The following NFIC variants were observed in gnomAD, a reference collection of about 807,000 sequenced individuals.
NFIC encodes the protein nuclear factor 1 C-type.
In NFIC, 12 loss-of-function variants were observed where a neutral mutation model predicts 54.4. That is an observed-to-expected ratio of 0.22 (90% CI 0.14 to 0.36). The LOEUF is 0.36. Ranked by LOEUF, NFIC falls within the 10% of genes least tolerant of loss-of-function variation. The probability of loss-of-function intolerance (pLI) is 1.00; values close to 1 mark genes in which losing one functional copy is unlikely to be tolerated. For missense variants in NFIC, 575 were observed against 718.2 expected (o/e 0.80, Z 2.28); for synonymous variants, 322 against 319.2 (o/e 1.01, Z -0.09).
Position 3,463,483 on chromosome 19 carries a change from C to A in NFIC, c.*714C>A. 3 of 985,378 alleles carry A rather than the reference C, an allele frequency of 3.0e-6. No individual in the cohort carries two copies. Among genetic ancestry groups the A allele is most frequent in the Non-Finnish European group, 3.6e-6 (3 of 829,968 alleles). The allele number at this position is 985,378 out of a possible 1,614,324, so 61.0% of individuals were successfully genotyped here. On this transcript the variant is annotated 3_prime_UTR_variant, in exon 11 of 11. Coordinates refer to ENST00000443272, the MANE Select transcript of NFIC (RefSeq NM_001245002.2). ...TGAGGCCCAGGCACCTGCTGCCCCTCGAGGGGGCCCTGCCTGCCGCGGGGC... is the reference window on the plus strand; with the variant it reads ...TGAGGCCCAGGCACCTGCTGCCCCTAGAGGGGGCCCTGCCTGCCGCGGGGC...
In NFIC at chr19:3,458,410, C is replaced by T. The variant is rs1184979663; in HGVS notation, c.1509+1775C>T. Reference sequence around the variant, plus strand: ...GAGGCCCAGCCCGCTTAACCCTTCCCCAGCCTCTGCCTTGGACCAAACTCT... The same window carrying T: ...GAGGCCCAGCCCGCTTAACCCTTCCTCAGCCTCTGCCTTGGACCAAACTCT... On this transcript the variant is annotated intron_variant, in intron 10 of 10. Coordinates refer to ENST00000443272, the MANE Select transcript of NFIC (RefSeq NM_001245002.2). This position sits in a 1 kb window ranked among gnomAD's most constrained non-coding sequence, Gnocchi z 4.1. Among the ~76,000 whole-genome samples, 1 of 152,200 alleles carries T rather than the reference C, an allele frequency of 6.6e-6. No homozygotes were observed. Among genetic ancestry groups the T allele is most frequent in the Non-Finnish European group, 1.5e-5 (1 of 68,024 alleles).
At chr19:3,380,628 CTTTTTTTTTT>C (rs1159916071) in intron 1 of NFIC, among the ~76,000 whole-genome samples, 1 of 96,118 alleles carries the variant, frequency 1.0e-5, no homozygotes, top group Non-Finnish European at 2.0e-5. Flanking sequence ...TGCGCCCAGG[CTTTTTTTTTT>C]TTTTTTTTTT....
At chr19:3,363,269 ATTTTTTTT>A (rs1178364391), upstream of NFIC, among the ~76,000 whole-genome samples, 46 of 36,678 alleles carry the variant, frequency 1.3e-3, no homozygotes, top group Non-Finnish European at 1.6e-3. Flanking sequence ...ATATATATAT[ATTTTTTTT>A]TTTTTTTTTT....
upstream of NFIC, among the ~76,000 whole-genome samples, chr19:3,366,066 C>A (rs1287881147): frequency 6.6e-6 from 1 of 152,032 alleles, no homozygotes; most frequent in Non-Finnish European, 1.5e-5. Context: ...CCTCCAACTT[C>A]CCGGCCAGCT....
At chr19:3,428,931 C>T (rs915871407) in intron 3 of NFIC, among the ~76,000 whole-genome samples, 19 of 151,936 alleles carry the variant, frequency 1.3e-4, no homozygotes, top group African/African-American at 4.1e-4. Flanking sequence ...CTTCAGAATG[C>T]GTGGCCCTGA....
At chr19:3,360,374 G>A (rs1169887231) in intron 1 of NFIC, among the ~76,000 whole-genome samples, 1 of 150,656 alleles carries the variant, frequency 6.6e-6, no homozygotes, top group Non-Finnish European at 1.5e-5. Flanking sequence ...GGGGTCCCCA[G>A]CTGGGAGGGA....
At chr19:3,411,947 C>G (rs2145570472) in intron 2 of NFIC, among the ~76,000 whole-genome samples, 1 of 152,348 alleles carries the variant, frequency 6.6e-6, no homozygotes, top group Admixed American at 6.5e-5. Flanking sequence ...TGTCTTTGCA[C>G]TGGACTGAGC....
At chr19:3,402,316 C>T (rs2081571282) in intron 2 of NFIC, among the ~76,000 whole-genome samples, 1 of 152,240 alleles carries the variant, frequency 6.6e-6, no homozygotes, top group Non-Finnish European at 1.5e-5. Context: ...TCCCACAGTG[C>T]TGGGATTACA....
intron 6 of NFIC, among the ~76,000 whole-genome samples, chr19:3,435,870 A>G (rs1208852373): frequency 1.3e-5 from 2 of 151,822 alleles, no homozygotes; most frequent in African/African-American, 4.8e-5. Flanking sequence ...CTTGTTGCCC[A>G]GGCTGGAGTG....
chr19:3,445,081 A>G (rs565801658), intron 6 of NFIC, among the ~76,000 whole-genome samples: 2 of 152,170 alleles, frequency 1.3e-5, no homozygotes, highest in East Asian at 3.9e-4. Context: ...AGGCGTGCAC[A>G]CGTCCACATA....
At chr19:3,437,405 G>A (rs1256579877) in intron 6 of NFIC, among the ~76,000 whole-genome samples, 5 of 151,502 alleles carry the variant, frequency 3.3e-5, no homozygotes, top group African/African-American at 7.3e-5. Context: ...TCCGGCACTC[G>A]GACGCATCTA....
At chr19:3,384,016 G>T (rs1296124823) in intron 2 of NFIC, among the ~76,000 whole-genome samples, 22 of 151,400 alleles carry the variant, frequency 1.5e-4, no homozygotes, top group Admixed American at 1.4e-3. Flanking sequence ...GCTCTAGGGT[G>T]TGTGGAAAGA....
intron 2 of NFIC, among the ~76,000 whole-genome samples, chr19:3,394,080 C>T (rs1400521546): frequency 1.3e-5 from 2 of 151,696 alleles, no homozygotes; most frequent in Non-Finnish European, 2.9e-5. Flanking sequence ...GTAGCTGCCT[C>T]AGCTTCCCGA....
chr19:3,379,291 T>G (rs984529901), intron 1 of NFIC, among the ~76,000 whole-genome samples: 52 of 151,678 alleles, frequency 3.4e-4, no homozygotes, highest in Non-Finnish European at 6.6e-4. Flanking sequence ...AACTCCTGAC[T>G]TCTTGATCTG....
At chr19:3,385,152 A>G (rs1279206141) in intron 2 of NFIC, among the ~76,000 whole-genome samples, 2 of 146,950 alleles carry the variant, frequency 1.4e-5, no homozygotes, top group East Asian at 2.0e-4. Context: ...CCCTGCTTCA[A>G]TTGGCCCCAG....
rs1361460637 is a variant in NFIC, at chr19:3,381,564, C to T, written c.31-148C>T. On this transcript the variant is annotated intron_variant, in intron 1 of 10. Coordinates refer to ENST00000443272, the MANE Select transcript of NFIC (RefSeq NM_001245002.2). ...CGTGCCTCCGGCGGCGTGCACGGGT[C>T]CGCAGCGACCCCCTGCCCACCTCTG... The T allele has an allele frequency of 3.2e-6, 4 of 1,240,810 alleles. No homozygotes were observed. The African/African-American group carries it at 6.1e-5, about 19-fold the overall frequency. 76.9% of individuals were successfully genotyped at this position (1,240,810 alleles called of 1,614,324 possible).
At chr19:3,418,338 C>G (rs1258508565) in intron 2 of NFIC, among the ~76,000 whole-genome samples, 1 of 152,036 alleles carries the variant, frequency 6.6e-6, no homozygotes, top group Non-Finnish European at 1.5e-5. Flanking sequence ...CTCAAGTGAT[C>G]CTCCTGCCTT....
At chr19:3,365,226 C>A (rs114405846), upstream of NFIC, among the ~76,000 whole-genome samples, 21 of 152,292 alleles carry the variant, frequency 1.4e-4, no homozygotes, top group African/African-American at 5.1e-4. Flanking sequence ...GGGGCACCTG[C>A]CCCAGCTTGG....
intron 2 of NFIC, among the ~76,000 whole-genome samples, chr19:3,399,625 A>G (rs946693234): frequency 6.6e-6 from 1 of 151,820 alleles, no homozygotes; most frequent in Admixed American, 6.6e-5. Flanking sequence ...TAATCCCAGC[A>G]CTTTGGGAAG....
Sources: gnomAD v4.1 joint callset for allele counts (sites outside exome capture counted in the v4.1 genomes callset) on GRCh38, gnomAD v4.1.1 for gene constraint, Gnocchi (gnomAD v3.1) non-coding constraint, MANE v1.5 for transcripts, NCBI Gene and HGNC (gene_info 2026-07-23, HGNC 2026-07-21) for gene names.